PCDH9: variants seen among roughly 807,000 people sequenced by gnomAD.
The protein encoded by PCDH9 is protocadherin 9.
PCDH9 carries 24 observed loss-of-function variants against 70.6 expected under a neutral mutation model. The ratio of observed to expected loss-of-function variants is 0.34; its 90% CI spans 0.25 to 0.48. The LOEUF is 0.48. Ranked by LOEUF, PCDH9 falls within the 20% of genes least tolerant of loss-of-function variation. The pLI, the probability that PCDH9 is intolerant of heterozygous loss-of-function variation, is 0.99. For missense variants in PCDH9, 1,281 were observed against 1,503.6 expected (o/e 0.85, Z 2.45); for synonymous variants, 562 against 558.5 (o/e 1.01, Z -0.09).
At chr13:67,093,500 A>C (rs1313427579) in intron 2 of PCDH9, among the ~76,000 whole-genome samples, 3 of 152,062 alleles carry the variant, frequency 2.0e-5, no homozygotes, top group Admixed American at 2.0e-4. Flanking sequence ...CAAAATTAAG[A>C]TTGTCAACTA....
Position 66,774,225 on chromosome 13 carries a change from G to T in PCDH9, c.3138+129279C>A, listed in dbSNP as rs368567879. On this transcript the variant is annotated intron_variant, in intron 3 of 4. Coordinates refer to ENST00000377865, the MANE Select transcript of PCDH9 (RefSeq NM_203487.3). ...TCATAAGGGACTAAAGACCACAGGGGACAGACTTGCTATTAGGAGAGAGCC... is the reference window on the plus strand; with the variant it reads ...TCATAAGGGACTAAAGACCACAGGGTACAGACTTGCTATTAGGAGAGAGCC... Among the ~76,000 whole-genome samples, 5 of 152,276 alleles carry T rather than the reference G, an allele frequency of 3.3e-5. No individual in the cohort carries two copies. In the South Asian group the frequency reaches 6.2e-4, roughly 19 times the overall value.
At chr13:66,864,182 T>A (rs942003867) in intron 3 of PCDH9, among the ~76,000 whole-genome samples, 1 of 152,076 alleles carries the variant, frequency 6.6e-6, no homozygotes, top group Non-Finnish European at 1.5e-5. Context: ...CCAGAGCATA[T>A]CAGATATTAT....
intron 4 of PCDH9, among the ~76,000 whole-genome samples, chr13:66,456,667 C>G (rs796319422): frequency 1.3e-5 from 2 of 152,192 alleles, no homozygotes; most frequent in African/African-American, 4.8e-5. Flanking sequence ...AATTCTTGTG[C>G]TTTCTCAACA....
intron 2 of PCDH9, among the ~76,000 whole-genome samples, chr13:67,048,536 T>C (rs1047168101): frequency 6.6e-6 from 1 of 152,076 alleles, no homozygotes; most frequent in African/African-American, 2.4e-5. Context: ...CCCACACAGA[T>C]GTATATTCTC....
At chr13:67,039,815 G>C (rs189786158) in intron 2 of PCDH9, among the ~76,000 whole-genome samples, 6 of 152,260 alleles carry the variant, frequency 3.9e-5, no homozygotes, top group African/African-American at 1.4e-4. Flanking sequence ...TTGAACAAAA[G>C]TGTGGGTACC....
chr13:66,334,415 A>C (rs1424484536), intron 4 of PCDH9, among the ~76,000 whole-genome samples: 1 of 152,082 alleles, frequency 6.6e-6, no homozygotes, highest in African/African-American at 2.4e-5. Flanking sequence ...AAACACCTCC[A>C]TAATGTGTGT....
chr13:66,781,920 C>A (rs2080004770), intron 3 of PCDH9, among the ~76,000 whole-genome samples: 1 of 151,952 alleles, frequency 6.6e-6, no homozygotes, highest in Non-Finnish European at 1.5e-5. Flanking sequence ...TGAAAATCTG[C>A]CCCAAACACC....
At chr13:67,200,839 T>C (rs1287412929) in intron 2 of PCDH9, among the ~76,000 whole-genome samples, 1 of 152,048 alleles carries the variant, frequency 6.6e-6, no homozygotes, top group Non-Finnish European at 1.5e-5. Flanking sequence ...TGTGAGCAAT[T>C]CATCACTTAG....
At chr13:66,898,541 T>C (rs9571686) in intron 3 of PCDH9, among the ~76,000 whole-genome samples, 42,096 of 151,922 alleles carry the variant, frequency 0.28, 6,240 homozygotes, top group East Asian at 0.38. Flanking sequence ...TACATAATTA[T>C]GTAAATATAC....
chr13:67,229,028 T>C (rs1012919433), intron 1 of PCDH9, among the ~76,000 whole-genome samples: 1 of 152,198 alleles, frequency 6.6e-6, no homozygotes, highest in Non-Finnish European at 1.5e-5. Flanking sequence ...GAGTCACCTA[T>C]CTTTTCTAAA....
chr13:66,553,443 T>A (rs1027770513), intron 4 of PCDH9, among the ~76,000 whole-genome samples: 1 of 152,226 alleles, frequency 6.6e-6, no homozygotes, highest in Non-Finnish European at 1.5e-5. Context: ...ATATACCATA[T>A]GTACTAAATT....
chr13:66,422,683 A>G (rs566243038), intron 4 of PCDH9, among the ~76,000 whole-genome samples: 1 of 152,302 alleles, frequency 6.6e-6, no homozygotes, highest in South Asian at 2.1e-4. Context: ...TATGGCACTA[A>G]ATGCCCACAG....
chr13:66,798,034 A>G (rs1033831020), intron 3 of PCDH9, among the ~76,000 whole-genome samples: 1 of 152,020 alleles, frequency 6.6e-6, no homozygotes, highest in African/African-American at 2.4e-5. Context: ...GGAGGAAGAG[A>G]GCAAGAGAAA....
chr13:66,362,689 T>C (rs1380272047), intron 4 of PCDH9, among the ~76,000 whole-genome samples: 1 of 152,132 alleles, frequency 6.6e-6, no homozygotes, highest in African/African-American at 2.4e-5. Flanking sequence ...TCATTTTCTC[T>C]CTCTGTGGGT....
In PCDH9 at chr13:66,376,288, C is replaced by A. The variant is rs180830301; in HGVS notation, c.3341-71260G>T. On this transcript the variant is annotated intron_variant, in intron 4 of 4. Coordinates refer to ENST00000377865, the MANE Select transcript of PCDH9 (RefSeq NM_203487.3). ...AGTCTAAAGACTAAAACCTTTCACA[C>A]ACTGAATGCTGAAGTGAAGTAAGTT... Among the ~76,000 whole-genome samples, 15 of 152,242 alleles carry A rather than the reference C, an allele frequency of 9.9e-5. No homozygotes were observed. In the East Asian group the frequency reaches 2.9e-3, roughly 29 times the overall value.
intron 4 of PCDH9, among the ~76,000 whole-genome samples, chr13:66,615,534 T>C (rs1347453366): frequency 6.6e-6 from 1 of 152,206 alleles, no homozygotes; most frequent in Non-Finnish European, 1.5e-5. Flanking sequence ...TTTAATCCTT[T>C]TCAAAGATGG....
intron 2 of PCDH9, among the ~76,000 whole-genome samples, chr13:67,019,836 C>A (rs1566367288): frequency 6.6e-6 from 1 of 152,148 alleles, no homozygotes; most frequent in Non-Finnish European, 1.5e-5. Context: ...GAGTACCAAG[C>A]ACACTTCAGG....
At chr13:66,767,528 T>C (rs1369980322) in intron 3 of PCDH9, among the ~76,000 whole-genome samples, 1 of 152,090 alleles carries the variant, frequency 6.6e-6, no homozygotes, top group African/African-American at 2.4e-5. Context: ...GAGACTAAAA[T>C]TGATACACAC....
intron 4 of PCDH9, among the ~76,000 whole-genome samples, chr13:66,540,816 T>G (rs1180529410): frequency 6.6e-6 from 1 of 152,180 alleles, no homozygotes; most frequent in African/African-American, 2.4e-5. Flanking sequence ...GACTTTGTCC[T>G]TAATTATTTG....
Sources: allele counts gnomAD v4.1 joint callset (sites outside exome capture counted in the v4.1 genomes callset), GRCh38; gene constraint gnomAD v4.1.1; transcripts MANE v1.5; gene names NCBI Gene and HGNC (gene_info 2026-07-23, HGNC 2026-07-21).